The following ZNF469 variants were observed in gnomAD, a reference collection of about 807,000 sequenced individuals.
The protein encoded by ZNF469 is zinc finger protein 469.
A neutral mutation model predicts 1.0 loss-of-function variants in ZNF469; 1 was observed. The observed-to-expected ratio is 1.00, with a 90% CI of 0.35 to 4.73. The LOEUF is 4.73. Among genes scored for constraint, ZNF469 ranks in the 30% most tolerant of loss-of-function variants. ZNF469 has a pLI of 0.16. For missense variants in ZNF469, 6,100 were observed against 5,356.3 expected, an observed-to-expected ratio of 1.14 and a Z score of -4.33; for synonymous variants, 2,703 against 2,363.4, an observed-to-expected ratio of 1.14 and a Z score of -4.17.
chr16:88,132,196 C>T, the ZNF469 span, among the ~76,000 whole-genome samples: 3 of 152,238 alleles, frequency 2.0e-5, no homozygotes, highest in Non-Finnish European at 2.9e-5. Context: ...GCCAGGCCCC[C>T]ACCCCTACCC....
intron 1 of ZNF469, among the ~76,000 whole-genome samples, chr16:88,395,632 A>C (rs1372165474): frequency 6.6e-6 from 1 of 152,062 alleles, no homozygotes. Flanking sequence ...CTGTGGGTAG[A>C]TAACATTATA....
intron 1 of ZNF469, among the ~76,000 whole-genome samples, chr16:88,390,693 G>A (rs1904462028): frequency 6.6e-6 from 1 of 152,206 alleles, no homozygotes; most frequent in Admixed American, 6.5e-5. Flanking sequence ...GAAGCCAGCA[G>A]GTAGACTAGG....
At chr16:88,164,817 C>T in the ZNF469 span, among the ~76,000 whole-genome samples, 1 of 152,124 alleles carries the variant, frequency 6.6e-6, no homozygotes, top group African/African-American at 2.4e-5. Context: ...TCTGCAGTAT[C>T]CCCTGTGACT....
In ZNF469 at chr16:88,423,882, C is replaced by T. The variant is rs115278761; in HGVS notation, c.-191-925C>T. Among the ~76,000 whole-genome samples, 190 of 152,370 alleles carry T rather than the reference C, an allele frequency of 1.2e-3. 1 individual carries two copies. Among genetic ancestry groups the T allele is most frequent in the African/African-American group, 4.3e-3 (178 of 41,584 alleles). The stretch of plus-strand genomic sequence containing the variant: ...ATCTTGAAGTCCAGCACCCCTCCTT[C>T]CAGCATATTCTGTTCATTAGCAGTG... On this transcript the variant is annotated intron_variant, in intron 1 of 2. Coordinates refer to ENST00000565624, the MANE Select transcript of ZNF469 (RefSeq NM_001367624.2).
chr16:88,310,569 T>A, the ZNF469 span, among the ~76,000 whole-genome samples: 23 of 151,986 alleles, frequency 1.5e-4, no homozygotes, highest in East Asian at 3.9e-4. Flanking sequence ...TTTTATTTTT[T>A]TTTTTTTATT....
At chr16:88,318,976 T>A in the ZNF469 span, among the ~76,000 whole-genome samples, 1 of 152,160 alleles carries the variant, frequency 6.6e-6, no homozygotes, top group East Asian at 1.9e-4. Context: ...AAAAGTCTCA[T>A]TACCTGGGGG....
At chr16:88,427,041 C>T (rs1053633978) in intron 2 of ZNF469, among the ~76,000 whole-genome samples, 3 of 152,118 alleles carry the variant, frequency 2.0e-5, no homozygotes, top group Admixed American at 1.3e-4. Context: ...TGTAAGCGGC[C>T]TCCTCACACC....
At chr16:88,293,789 A>G in the ZNF469 span, among the ~76,000 whole-genome samples, 1 of 152,126 alleles carries the variant, frequency 6.6e-6, no homozygotes, top group Non-Finnish European at 1.5e-5. Flanking sequence ...TCCAATTAGG[A>G]TGGGTGCATG....
At chr16:88,185,701 T>A in the ZNF469 span, among the ~76,000 whole-genome samples, 2 of 126,742 alleles carry the variant, frequency 1.6e-5, no homozygotes, top group African/African-American at 6.2e-5. Context: ...ATTCGCACAC[T>A]CACACACGTG....
At chr16:88,200,049 A>G in the ZNF469 span, among the ~76,000 whole-genome samples, 1 of 152,080 alleles carries the variant, frequency 6.6e-6, no homozygotes, top group Non-Finnish European at 1.5e-5. Context: ...CGGCTTTGGG[A>G]CGGTCAAACA....
intron 1 of ZNF469, among the ~76,000 whole-genome samples, chr16:88,392,691 G>A (rs2142265850): frequency 6.6e-6 from 1 of 152,354 alleles, no homozygotes; most frequent in South Asian, 2.1e-4. Flanking sequence ...CTGGATGGCA[G>A]CTGCTGTCCC....
the ZNF469 span, among the ~76,000 whole-genome samples, chr16:88,167,074 TTTTC>T: frequency 8.1e-4 from 117 of 144,236 alleles, 4 homozygotes; most frequent in African/African-American, 2.8e-3. Context: ...TTTTTTTTTT[TTTTC>T]TAAGAGGGAA....
Position 88,430,200 on chromosome 16 carries a change from C to A in ZNF469, c.2730C>A (p.Thr910=), listed in dbSNP as rs546435811. The change falls in exon 3 of 3, where the codon ACC becomes ACA. Residue 910 remains threonine, a synonymous_variant. Transcript: ENST00000565624. The part of the protein sequence containing the change: ...PLPAATPDPQ[T]PRPGDRGCPA... The stretch of plus-strand genomic sequence containing the variant: ...CAGCAGCCACGCCGGACCCCCAAAC[C>A]CCCCGCCCTGGGGACAGGGGCTGCC... 2 of 1,546,330 alleles carry A rather than the reference C, an allele frequency of 1.3e-6. No homozygotes were observed. The highest frequency in any genetic ancestry group is 1.2e-5 in the South Asian group (1 of 83,990).
At chr16:88,231,192 G>T in the ZNF469 span, among the ~76,000 whole-genome samples, 1,375 of 152,284 alleles carry the variant, frequency 9.0e-3, 26 homozygotes, top group African/African-American at 0.032. The surrounding 1 kb of genome is among the most constrained non-coding windows in gnomAD (Gnocchi z 4.5). Flanking sequence ...AGCAGGGGAA[G>T]GCAACACTGT....
the ZNF469 span, among the ~76,000 whole-genome samples, chr16:88,314,317 C>T: frequency 6.7e-6 from 1 of 148,822 alleles, no homozygotes; most frequent in Non-Finnish European, 1.5e-5. Flanking sequence ...CTGCTGTGGA[C>T]TGTCATCTCT....
chr16:88,193,003 ATGG>A, the ZNF469 span, among the ~76,000 whole-genome samples: 18 of 106,448 alleles, frequency 1.7e-4, no homozygotes, highest in East Asian at 3.1e-4. Flanking sequence ...GGTGGTGGTG[ATGG>A]TGGTGATGGT....
chr16:88,241,008 T>A, the ZNF469 span, among the ~76,000 whole-genome samples: 1 of 152,074 alleles, frequency 6.6e-6, no homozygotes, highest in Non-Finnish European at 1.5e-5. The surrounding 1 kb of genome is among the most constrained non-coding windows in gnomAD (Gnocchi z 4.8). Flanking sequence ...GCCCACACCA[T>A]GTCAGACGCT....
the ZNF469 span, among the ~76,000 whole-genome samples, chr16:88,179,643 C>G: frequency 1.3e-5 from 2 of 152,342 alleles, no homozygotes; most frequent in South Asian, 4.1e-4. Context: ...GCCTGGAAGT[C>G]TGCCTTTTAC....
At chr16:88,396,829 G>C (rs1317821680) in intron 1 of ZNF469, among the ~76,000 whole-genome samples, 1 of 149,056 alleles carries the variant, frequency 6.7e-6, no homozygotes, top group Admixed American at 6.6e-5. Context: ...CCTGTCTGAA[G>C]GGAAGCCTGG....
Sources: allele counts gnomAD v4.1 joint callset (sites outside exome capture counted in the v4.1 genomes callset), GRCh38; gene constraint gnomAD v4.1.1; non-coding constraint Gnocchi (gnomAD v3.1); transcripts MANE v1.5; gene names NCBI Gene and HGNC (gene_info 2026-07-23, HGNC 2026-07-21).